SSPN: variants seen among roughly 807,000 people sequenced by gnomAD.
SSPN encodes the protein sarcospan, also known as K-ras oncogene-associated protein.
Under a neutral mutation model 19.1 loss-of-function variants are expected in SSPN, and 15 were observed. The ratio of observed to expected loss-of-function variants is 0.78; its 90% confidence interval spans 0.52 to 1.21. SSPN has a LOEUF of 1.21. Among genes scored for constraint, SSPN ranks in the 50% most tolerant of loss-of-function variants. The pLI, the probability that SSPN is intolerant of heterozygous loss-of-function variation, is 0.00. For synonymous variants in SSPN, 147 were observed against 140.3 expected, an observed-to-expected ratio of 1.05 and a Z score of -0.34; for missense variants, 291 against 314.0, an observed-to-expected ratio of 0.93 and a Z score of 0.55.
intron 2 of SSPN, among the ~76,000 whole-genome samples, chr12:26,225,927 G>A (rs1166619265): frequency 1.3e-5 from 2 of 151,332 alleles, no homozygotes; most frequent in Admixed American, 1.3e-4. Context: ...CAGCTTAAGA[G>A]AGACCCCAAT....
At chr12:26,192,386 G>C (rs1944794693), upstream of SSPN, among the ~76,000 whole-genome samples, 1 of 152,050 alleles carries the variant, frequency 6.6e-6, no homozygotes, top group Admixed American at 6.5e-5. Flanking sequence ...GAAAAACCCA[G>C]TTCATTTCTG....
chr12:26,207,268 T>C lies in SSPN; in HGVS notation c.279+11317T>C, dbSNP rs180860730. The stretch of plus-strand genomic sequence containing the variant: ...CAGTAATTCTGTGCAATTCTATGCT[T>C]TTTAAAATTATAAACATTTCAATTG... On this transcript the variant is annotated intron_variant, in intron 1 of 2. Transcript: ENST00000242729. Among the ~76,000 whole-genome samples the C allele has an allele frequency of 8.2e-4, 125 of 152,368 alleles. 1 individual carries two copies. The highest frequency in any genetic ancestry group is 3.0e-3 in the African/African-American group (123 of 41,596).
upstream of SSPN, among the ~76,000 whole-genome samples, chr12:26,191,442 G>A (rs985217987): frequency 1.3e-5 from 2 of 152,102 alleles, no homozygotes; most frequent in East Asian, 3.9e-4. Context: ...AACATAGTGA[G>A]ACCCCATCTC....
intron 1 of SSPN, among the ~76,000 whole-genome samples, chr12:26,198,528 G>A (rs1944850657): frequency 6.6e-6 from 1 of 152,152 alleles, no homozygotes; most frequent in South Asian, 2.1e-4. Flanking sequence ...GATTCAATGA[G>A]TTAGCTTTAC....
At chr12:26,123,946 G>C in intron 1 of SSPN, 1 of 800,874 alleles carries the variant, frequency 1.2e-6, no homozygotes, top group Non-Finnish European at 2.1e-6. Flanking sequence ...GGGAAACTCT[G>C]TACGGTATAG....
chr12:26,231,161 G>A lies in SSPN; in HGVS notation c.*85G>A. On this transcript the variant is annotated 3_prime_UTR_variant, in exon 3 of 3. Transcript: ENST00000242729. Reference sequence around the variant, plus strand: ...AAAAAAAAATTTTAAACAAAGAAAGGAAAAAAATTGACAATAAAAGTCACT... The same window carrying A: ...AAAAAAAAATTTTAAACAAAGAAAGAAAAAAAATTGACAATAAAAGTCACT... The A allele has an allele frequency of 2.8e-6, 4 of 1,409,360 alleles. No individual in the cohort carries two copies. The highest frequency in any genetic ancestry group is 2.9e-5 in the Admixed American group (1 of 34,118). 87.3% of individuals were successfully genotyped at this position (1,409,360 alleles called of 1,614,324 possible).
At chr12:26,122,044 C>G in exon 1 of SSPN, 1 of 1,549,090 alleles carries the variant, frequency 6.5e-7, no homozygotes, top group East Asian at 2.5e-5. Flanking sequence ...GCTTGAACCT[C>G]CGTCCTTCGG....
upstream of SSPN, among the ~76,000 whole-genome samples, chr12:26,192,456 G>C (rs1489672042): frequency 6.6e-6 from 1 of 152,148 alleles, no homozygotes; most frequent in Non-Finnish European, 1.5e-5. Context: ...ACATGTAAAA[G>C]GAAGAGTTTT....
chr12:26,151,096 GA>G, intron 1 of SSPN, among the ~76,000 whole-genome samples: 1 of 151,802 alleles, frequency 6.6e-6, no homozygotes, highest in Middle Eastern at 3.4e-3. Flanking sequence ...GGAACTTAGG[GA>G]AAAAAAGGGG....
At chr12:26,217,274 T>C (rs1945063720) in intron 1 of SSPN, among the ~76,000 whole-genome samples, 1 of 142,296 alleles carries the variant, frequency 7.0e-6, no homozygotes, top group African/African-American at 2.7e-5. Context: ...GTAGTTCTCC[T>C]TGAAGAGGTC....
intron 1 of SSPN, 113 bp from the exon 2 acceptor site, chr12:26,224,180 G>A: frequency 1.4e-6 from 1 of 731,558 alleles, no homozygotes; most frequent in South Asian, 1.8e-5. Flanking sequence ...ATAAGTAAAA[G>A]AAACGGACAG....
rs1351208854 is a variant in SSPN, at chr12:26,232,558, G to T, written c.*1482G>T. The T allele has an allele frequency of 1.0e-6, 1 of 985,218 alleles. No individual in the cohort carries two copies. The highest frequency in any genetic ancestry group is 1.2e-6 in the Non-Finnish European group (1 of 829,898). 61.0% of individuals were successfully genotyped at this position (985,218 alleles called of 1,614,324 possible). A position where few individuals can be genotyped will look rare whatever the true frequency, so the allele number is the denominator to read the frequency against. On this transcript the variant is annotated 3_prime_UTR_variant, in exon 3 of 3. Transcript: ENST00000242729. ...CCTATTGATACACTTTACTAATCAT[G>T]AAATTCTAACCTAAAAGGAAAACAT... is the stretch of plus-strand genomic sequence containing the variant.
chr12:26,147,268 T>G (rs1307550653), intron 1 of SSPN, among the ~76,000 whole-genome samples: 8 of 99,824 alleles, frequency 8.0e-5, no homozygotes, highest in Admixed American at 4.2e-4. Context: ...ATTTTTGGGG[T>G]TTTTTTTGTG....
intron 1 of SSPN, among the ~76,000 whole-genome samples, chr12:26,149,958 C>T (rs972153742): frequency 1.3e-5 from 2 of 152,166 alleles, no homozygotes; most frequent in African/African-American, 4.8e-5. Context: ...TACATGTACA[C>T]ATATACTCGC....
intron 1 of SSPN, among the ~76,000 whole-genome samples, chr12:26,198,929 T>A (rs2137460772): frequency 6.6e-6 from 1 of 152,324 alleles, no homozygotes; most frequent in African/African-American, 2.4e-5. Context: ...GGCCCATCCC[T>A]GGGGCTGAGG....
chr12:26,195,548 T>G, upstream of SSPN: 1 of 1,281,634 alleles, frequency 7.8e-7, no homozygotes, highest in Non-Finnish European at 9.8e-7. Context: ...CGGCTCCAAA[T>G]GTTTTCCATA....
chr12:26,176,843 A>G (rs17380333), intron 1 of SSPN, among the ~76,000 whole-genome samples: 5,922 of 151,298 alleles, frequency 0.039, 154 homozygotes, highest in South Asian at 0.081. Context: ...GAGTACAGCA[A>G]CCTCCCTCTT....
intron 1 of SSPN, among the ~76,000 whole-genome samples, chr12:26,155,949 A>G (rs924059495): frequency 1.3e-5 from 2 of 152,192 alleles, no homozygotes; most frequent in Admixed American, 6.5e-5. Flanking sequence ...GTGTGTAACC[A>G]TTCAGCTGAA....
At position 26,231,388 on chromosome 12, in the gene SSPN, A is replaced by G; in HGVS notation, c.*312A>G. On this transcript the variant is annotated 3_prime_UTR_variant, in exon 3 of 3. Coordinates refer to ENST00000242729, the MANE Select transcript of SSPN (RefSeq NM_005086.5). ...GAGTTAATTCCTGTTAACTCATTTT[A>G]TCCATTCCTTACATAATCTTCTTTC... 1 of 244,964 alleles carries G rather than the reference A, an allele frequency of 4.1e-6. No homozygotes were observed. The highest frequency in any genetic ancestry group is 7.8e-6 in the Non-Finnish European group (1 of 128,460). 15.2% of individuals were successfully genotyped at this position (244,964 alleles called of 1,614,324 possible). A position where few individuals can be genotyped will look rare whatever the true frequency, so the allele number is the denominator to read the frequency against.
Sources: allele counts gnomAD v4.1 joint callset (sites outside exome capture counted in the v4.1 genomes callset), GRCh38; gene constraint gnomAD v4.1.1; transcripts MANE v1.5; gene names NCBI Gene and HGNC (gene_info 2026-07-23, HGNC 2026-07-21).